GABRB1: variants seen among roughly 807,000 people sequenced by gnomAD.
The protein encoded by GABRB1 is gamma-aminobutyric acid receptor subunit beta-1.
GABRB1 carries 17 observed loss-of-function variants against 51.6 expected under a neutral mutation model. The observed-to-expected ratio is 0.33, with a 90% CI of 0.23 to 0.49. GABRB1 has a LOEUF of 0.49. Among genes scored for constraint, GABRB1 ranks in the 20% least tolerant of loss-of-function variants. The pLI, the probability that GABRB1 is intolerant of heterozygous loss-of-function variation, is 0.99. For synonymous variants in GABRB1, 247 were observed against 218.9 expected (o/e 1.13, Z -1.14); for missense variants, 410 against 600.6 (o/e 0.68, Z 3.32).
At chr4:47,306,885 C>G (rs1163572112) in intron 4 of GABRB1, among the ~76,000 whole-genome samples, 1 of 152,066 alleles carries the variant, frequency 6.6e-6, no homozygotes, top group Non-Finnish European at 1.5e-5. Flanking sequence ...TTTGCTGGAC[C>G]ATTTTGGTGT....
chr4:47,105,097 C>T (rs6819531), intron 3 of GABRB1, among the ~76,000 whole-genome samples: 116,570 of 152,016 alleles, frequency 0.77, 44,905 homozygotes, highest in Middle Eastern at 0.82. Flanking sequence ...CTCTTGCTGG[C>T]CTTCCACATG....
At chr4:47,335,637 A>G (rs1359276352) in intron 5 of GABRB1, among the ~76,000 whole-genome samples, 2 of 152,342 alleles carry the variant, frequency 1.3e-5, no homozygotes, top group East Asian at 3.9e-4. Context: ...CGTTGATACC[A>G]GGTTATAATG....
Position 47,358,434 on chromosome 4 carries a change from G to C in GABRB1, c.544+38225G>C, listed in dbSNP as rs538172491. 6.6e-5 allele frequency among the ~76,000 whole-genome samples: 10 copies of C among 151,884 alleles called. No homozygotes were observed. In the South Asian group the frequency reaches 2.1e-3, roughly 32 times the overall value. ...AGAGAGAGAGTGAGAGAGAGAGAGAGAGATTTATTTTAAGGAAATCACTCA... is the reference window on the plus strand; with the variant it reads ...AGAGAGAGAGTGAGAGAGAGAGAGACAGATTTATTTTAAGGAAATCACTCA... On this transcript the variant is annotated intron_variant, in intron 5 of 8. Transcript: ENST00000295454.
chr4:47,169,970 G>A (rs1315362085), intron 4 of GABRB1, among the ~76,000 whole-genome samples: 4 of 152,180 alleles, frequency 2.6e-5, no homozygotes, highest in Non-Finnish European at 5.9e-5. Flanking sequence ...AAGGTAGACA[G>A]CCTAAATGGG....
At chr4:47,178,650 T>C (rs1410604178) in intron 4 of GABRB1, among the ~76,000 whole-genome samples, 1 of 152,146 alleles carries the variant, frequency 6.6e-6, no homozygotes, top group South Asian at 2.1e-4. Flanking sequence ...GTCATTTTTA[T>C]TCACCCCATA....
chr4:47,356,605 G>A (rs1726587551), intron 5 of GABRB1, among the ~76,000 whole-genome samples: 1 of 152,178 alleles, frequency 6.6e-6, no homozygotes, highest in Non-Finnish European at 1.5e-5. Flanking sequence ...TGGCCCTTCT[G>A]CTGCCTGTGT....
rs1354246849 is a variant in GABRB1 at position 47,123,488 on chromosome 4, TTCATATATTATAATATA to T, written c.241-37759_241-37743del. Among the ~76,000 whole-genome samples, 100 of 98,888 alleles carry T rather than the reference TTCATATATTATAATATA, an allele frequency of 1.0e-3. 1 individual carries two copies. The highest frequency in any genetic ancestry group is 4.6e-3 in the Admixed American group (32 of 6,932). The allele number at this position is 98,888 out of a possible 152,430, so 64.9% of individuals were successfully genotyped here. A position where few individuals can be genotyped will look rare whatever the true frequency, so the allele number is the denominator to read the frequency against. On this transcript the variant is annotated intron_variant, in intron 3 of 8. Coordinates refer to ENST00000295454, the MANE Select transcript of GABRB1 (RefSeq NM_000812.4). ...TATATATTATAATATATTACATTAT[TTCATATATTATAATATA>T]TTATATATTATAATATATTACATTA...
At chr4:47,358,490 C>T (rs954414074) in intron 5 of GABRB1, among the ~76,000 whole-genome samples, 5 of 151,726 alleles carry the variant, frequency 3.3e-5, no homozygotes, top group Admixed American at 6.6e-5. Flanking sequence ...AGTCTAATAT[C>T]AATAGCGTAG....
chr4:47,298,659 C>G (rs916659027), intron 4 of GABRB1, among the ~76,000 whole-genome samples: 2 of 152,186 alleles, frequency 1.3e-5, no homozygotes, highest in African/African-American at 4.8e-5. Flanking sequence ...AATGGCCATG[C>G]TGCCCAAGGT....
rs780367054 is a variant in GABRB1, at chr4:47,361,576, A to C, written c.544+41367A>C. On this transcript the variant is annotated intron_variant, in intron 5 of 8. Coordinates refer to ENST00000295454, the MANE Select transcript of GABRB1 (RefSeq NM_000812.4). ...TCACCTGGCTGCCACAATAGTGAAC[A>C]GTTTGGAGAAGTACAGAGTGGAAGT... 2.0e-5 allele frequency among the ~76,000 whole-genome samples: 3 copies of C among 152,268 alleles called. No individual in the cohort carries two copies. The South Asian group carries it at 6.2e-4, about 32-fold the overall frequency.
intron 4 of GABRB1, among the ~76,000 whole-genome samples, chr4:47,300,181 G>A (rs1189008983): frequency 1.3e-5 from 2 of 151,940 alleles, no homozygotes; most frequent in African/African-American, 4.8e-5. Flanking sequence ...CACAGCACAT[G>A]TATACATATG....
intron 3 of GABRB1, among the ~76,000 whole-genome samples, chr4:47,116,654 A>G (rs1715492524): frequency 6.6e-6 from 1 of 152,264 alleles, no homozygotes; most frequent in South Asian, 2.1e-4. Context: ...ATTAGATACT[A>G]TGGCTTACTG....
chr4:47,360,365 T>A (rs1398420423), intron 5 of GABRB1, among the ~76,000 whole-genome samples: 1 of 152,030 alleles, frequency 6.6e-6, no homozygotes, highest in Non-Finnish European at 1.5e-5. Context: ...AGAGTTTTTT[T>A]TTTCTCTCAT....
chr4:47,252,547 A>T (rs1722036917), intron 4 of GABRB1, among the ~76,000 whole-genome samples: 1 of 122,448 alleles, frequency 8.2e-6, no homozygotes, highest in Non-Finnish European at 1.6e-5. Flanking sequence ...TCACTCTGTC[A>T]CCCAGGCTGG....
rs143068704 is a variant in GABRB1, at chr4:47,314,208, T to C, written c.462-5919T>C. On this transcript the variant is annotated intron_variant, in intron 4 of 8. Transcript: ENST00000295454. ...CATATAGTTTCCCTAGGTGATATCA[T>C]TTATATTCCTTATAACTATTGATTG... 3.0e-3 allele frequency among the ~76,000 whole-genome samples: 457 copies of C among 152,172 alleles called. 3 individuals are homozygous for C. The highest frequency in any genetic ancestry group is 0.01 in the African/African-American group (429 of 41,574).
intron 4 of GABRB1, among the ~76,000 whole-genome samples, chr4:47,215,481 C>G (rs1003869518): frequency 1.3e-5 from 2 of 151,758 alleles, no homozygotes; most frequent in African/African-American, 4.8e-5. Context: ...TACTGAGCAA[C>G]AACCAGACCA....
chr4:47,213,604 G>A (rs1472119323), intron 4 of GABRB1, among the ~76,000 whole-genome samples: 1 of 151,760 alleles, frequency 6.6e-6, no homozygotes, highest in Non-Finnish European at 1.5e-5. Flanking sequence ...GAAATCTTTA[G>A]TAGTATTTAA....
intron 4 of GABRB1, among the ~76,000 whole-genome samples, chr4:47,175,752 G>A (rs1577974791): frequency 6.6e-6 from 1 of 152,146 alleles, no homozygotes; most frequent in East Asian, 1.9e-4. Context: ...CCAACCTACA[G>A]ATACACACAT....
chr4:47,132,505 C>G (rs1716470706), intron 3 of GABRB1, among the ~76,000 whole-genome samples: 1 of 151,530 alleles, frequency 6.6e-6, no homozygotes, highest in Non-Finnish European at 1.5e-5. Context: ...ATTTGTTTTT[C>G]CTTTTGTTTT....
Sources: allele counts gnomAD v4.1 joint callset (sites outside exome capture counted in the v4.1 genomes callset), GRCh38; gene constraint gnomAD v4.1.1; transcripts MANE v1.5; gene names NCBI Gene and HGNC (gene_info 2026-07-23, HGNC 2026-07-21).